Variants in ADGRE3 observed in about 807,000 individuals in gnomAD.
ADGRE3 encodes the protein EGF-like module receptor 3.
ADGRE3 carries 88 observed loss-of-function variants against 80.1 expected under a neutral mutation model. The observed-to-expected ratio is 1.10, with a 90% CI of 0.93 to 1.31. The LOEUF (loss-of-function observed/expected upper bound fraction) is 1.31. Among genes scored for constraint, ADGRE3 ranks in the 40% most tolerant of loss-of-function variants. The pLI is 0.00. For synonymous variants in ADGRE3, 281 were observed against 294.8 expected, an observed-to-expected ratio of 0.95 and a Z score of 0.48; for missense variants, 715 against 776.5, an observed-to-expected ratio of 0.92 and a Z score of 0.94.
chr19:14,639,608 G>A (rs945144818), intron 10 of ADGRE3, among the ~76,000 whole-genome samples: 3 of 152,000 alleles, frequency 2.0e-5, no homozygotes, highest in Admixed American at 2.0e-4. Context: ...TAGAGACAAG[G>A]TCTCACTATA....
intron 4 of ADGRE3, among the ~76,000 whole-genome samples, chr19:14,659,618 C>A (rs909878949): frequency 6.6e-6 from 1 of 151,382 alleles, no homozygotes; most frequent in African/African-American, 2.4e-5. Flanking sequence ...CCTAGGCATT[C>A]GAGACCAGCC....
chr19:14,667,643 G>A (rs1972140275), intron 2 of ADGRE3, among the ~76,000 whole-genome samples: 1 of 151,874 alleles, frequency 6.6e-6, no homozygotes, highest in African/African-American at 2.4e-5. Context: ...TGAACAACGA[G>A]AACATTTGGA....
chr19:14,648,087 C>CAAAAAAA (rs60371636), intron 7 of ADGRE3, among the ~76,000 whole-genome samples: 9 of 108,364 alleles, frequency 8.3e-5, no homozygotes, highest in Non-Finnish European at 1.3e-4. Flanking sequence ...ATCTCAAAGA[C>CAAAAAAA]AAAAAAAAAA....
chr19:14,639,895 A>T (rs1428164115), intron 10 of ADGRE3, among the ~76,000 whole-genome samples: 1 of 152,100 alleles, frequency 6.6e-6, no homozygotes, highest in African/African-American at 2.4e-5. Flanking sequence ...ATTGTTATTG[A>T]CTATAGTCAT....
At chr19:14,605,304 C>T in the ADGRE3 span, among the ~76,000 whole-genome samples, 9 of 152,120 alleles carry the variant, frequency 5.9e-5, no homozygotes, top group Non-Finnish European at 1.2e-4. Context: ...CCACGTTGGC[C>T]AAGCTGGTCT....
intron 4 of ADGRE3, 116 bp from the exon 5 acceptor site, chr19:14,658,666 G>A: frequency 2.1e-6 from 1 of 481,450 alleles, no homozygotes; most frequent in South Asian, 5.8e-5. Context: ...GTAAAAGCCT[G>A]AATTCATAGT....
chr19:14,641,274 A>T, intron 10 of ADGRE3, 145 bp downstream of exon 10: 1 of 954,436 alleles, frequency 1.0e-6, no homozygotes, highest in Non-Finnish European at 1.6e-6. Context: ...GGTCCCAGCT[A>T]CGATCTCAGA....
chr19:14,604,545 C>T, the ADGRE3 span, among the ~76,000 whole-genome samples: 2 of 151,984 alleles, frequency 1.3e-5, no homozygotes, highest in Non-Finnish European at 1.5e-5. Context: ...GGCAGATCAC[C>T]TGAGGTCAGG....
intron 2 of ADGRE3, among the ~76,000 whole-genome samples, chr19:14,666,419 C>T (rs1298901073): frequency 6.6e-6 from 1 of 151,018 alleles, no homozygotes; most frequent in African/African-American, 2.4e-5. Context: ...CTCTGTCGCC[C>T]AGGCTGGAGT....
chr19:14,649,191 C>T, intron 7 of ADGRE3, among the ~76,000 whole-genome samples: 3 of 139,474 alleles, frequency 2.2e-5, no homozygotes, highest in African/African-American at 5.4e-5. Flanking sequence ...CACCTCTCTC[C>T]CTCTCTCTCT....
chr19:14,643,814 C>T (rs375204267), intron 9 of ADGRE3, among the ~76,000 whole-genome samples: 3 of 151,796 alleles, frequency 2.0e-5, no homozygotes, highest in African/African-American at 7.3e-5. Flanking sequence ...AGGTTCAAGC[C>T]ATCCTCTTGT....
chr19:14,647,401 CT>C lies in ADGRE3; in HGVS notation c.698-37del, dbSNP rs754142993. ...AGAAAGATGGAATCTTTTTTCTTTTCTTTTCTTTCTTTTTTTTTTTTTTTTT... is the reference window on the plus strand; with the variant it reads ...AGAAAGATGGAATCTTTTTTCTTTTCTTTCTTTCTTTTTTTTTTTTTTTTT... On this transcript the variant is annotated intron_variant, in intron 7 of 15. Transcript: ENST00000253673. 9.0e-5 allele frequency: 108 copies of C among 1,201,962 alleles called. No individual in the cohort carries two copies. In the African/African-American group the frequency reaches 1.3e-3, roughly 15 times the overall value. 74.5% of individuals were successfully genotyped at this position (1,201,962 alleles called of 1,614,324 possible).
chr19:14,668,916 C>A, intron 1 of ADGRE3, 64 bp from the exon 2 acceptor site: 3 of 1,460,300 alleles, frequency 2.1e-6, no homozygotes, highest in South Asian at 2.3e-5. Flanking sequence ...CCAAGAAATG[C>A]CCCAAGGACT....
At chr19:14,632,044 T>C (rs1199880764) in intron 13 of ADGRE3, among the ~76,000 whole-genome samples, 1 of 152,236 alleles carries the variant, frequency 6.6e-6, no homozygotes, top group African/African-American at 2.4e-5. Context: ...TACCTCAAGA[T>C]ATTTTGAAAT....
At chr19:14,636,045 CTTCCTTCCTTCCTTCCT>C (rs1451292155) in intron 11 of ADGRE3, among the ~76,000 whole-genome samples, 1 of 66,486 alleles carries the variant, frequency 1.5e-5, no homozygotes, top group African/African-American at 4.6e-5. Flanking sequence ...TCCTTCCTTC[CTTCCTTCCTTCCTTCCT>C]TTCCTTTCCT....
intron 1 of ADGRE3, among the ~76,000 whole-genome samples, chr19:14,671,213 A>G (rs1972248317): frequency 6.6e-6 from 1 of 152,134 alleles, no homozygotes; most frequent in Non-Finnish European, 1.5e-5. Flanking sequence ...GCTTAAAACA[A>G]CACTGATTTA....
chr19:14,613,682 C>A, the ADGRE3 span, among the ~76,000 whole-genome samples: 1 of 151,358 alleles, frequency 6.6e-6, no homozygotes, highest in Non-Finnish European at 1.5e-5. Flanking sequence ...TCTTTTATTT[C>A]GTTATTAAAA....
At chr19:14,620,548 T>TATATAA in intron 15 of ADGRE3, among the ~76,000 whole-genome samples, 604 of 24,602 alleles carry the variant, frequency 0.025, 39 homozygotes, top group Admixed American at 0.061. Flanking sequence ...TATATATATA[T>TATATAA]TATATATATA....
At chr19:14,665,684 G>A (rs1023492466) in intron 2 of ADGRE3, among the ~76,000 whole-genome samples, 3 of 151,214 alleles carry the variant, frequency 2.0e-5, no homozygotes, top group Non-Finnish European at 1.5e-5. Flanking sequence ...TAGAGATGGG[G>A]TTCTTGCTAT....
Sources: allele counts gnomAD v4.1 joint callset (sites outside exome capture counted in the v4.1 genomes callset), GRCh38; gene constraint gnomAD v4.1.1; transcripts MANE v1.5; gene names NCBI Gene and HGNC (gene_info 2026-07-23, HGNC 2026-07-21).